HSF5: variants seen among roughly 807,000 people sequenced by gnomAD.
HSF5 encodes the protein heat shock transcription factor 5.
A neutral mutation model predicts 50.8 loss-of-function variants in HSF5; 5 were observed. That is an observed-to-expected ratio of 0.10 (90% CI 0.05 to 0.21). HSF5 has a LOEUF of 0.21. HSF5 is among the 10% of genes least tolerant of loss of function. The pLI is 1.00. For missense variants in HSF5, 564 were observed against 762.6 expected (o/e 0.74, Z 3.07); for synonymous variants, 307 against 307.4 (o/e 1.00, Z 0.02).
At chr17:58,485,077 C>T (rs950578076) in intron 1 of HSF5, among the ~76,000 whole-genome samples, 1 of 151,514 alleles carries the variant, frequency 6.6e-6, no homozygotes, top group Non-Finnish European at 1.5e-5. Context: ...GCCTCAGCCT[C>T]CCGAGTAGCT....
rs554538200 is a variant in HSF5, at chr17:58,431,285, G to T, written c.1721-8855C>A. On this transcript the variant is annotated intron_variant, in intron 5 of 5. Transcript: ENST00000323777. ...AAATCGGACTAACACACATACCAAG[G>T]CTATATGGTATAGCCTATTTCTCTT... 2.0e-5 allele frequency among the ~76,000 whole-genome samples: 3 copies of T among 152,198 alleles called. No homozygotes were observed. In the East Asian group the frequency reaches 5.8e-4, roughly 29 times the overall value.
intron 2 of HSF5, among the ~76,000 whole-genome samples, chr17:58,477,118 T>TG (rs1975025558): frequency 7.3e-6 from 1 of 136,998 alleles, no homozygotes; most frequent in Admixed American, 7.1e-5. Flanking sequence ...TATATATACT[T>TG]TTTTTTTTTT....
chr17:58,426,985 C>G (rs1974303835), intron 5 of HSF5, among the ~76,000 whole-genome samples: 1 of 152,154 alleles, frequency 6.6e-6, no homozygotes, highest in South Asian at 2.1e-4. Context: ...GGTGCGGTGG[C>G]TCACACCTAG....
intron 5 of HSF5, among the ~76,000 whole-genome samples, chr17:58,428,424 C>A (rs1015513959): frequency 5.3e-5 from 8 of 152,068 alleles, no homozygotes; most frequent in Non-Finnish European, 1.2e-4. Flanking sequence ...CTTTGGGAGG[C>A]CGAGGTGGGC....
intron 5 of HSF5, among the ~76,000 whole-genome samples, chr17:58,427,434 G>T (rs987923355): frequency 6.6e-6 from 1 of 152,102 alleles, no homozygotes; most frequent in African/African-American, 2.4e-5. Flanking sequence ...ATGTGATATT[G>T]AGCAACATAA....
intron 5 of HSF5, among the ~76,000 whole-genome samples, chr17:58,452,558 G>C (rs1426018574): frequency 6.6e-6 from 1 of 151,754 alleles, no homozygotes; most frequent in Non-Finnish European, 1.5e-5. Flanking sequence ...GCCTGTAATC[G>C]CAACACTTTG....
intron 1 of HSF5, among the ~76,000 whole-genome samples, chr17:58,481,732 G>A (rs1274986371): frequency 6.6e-6 from 1 of 152,224 alleles, no homozygotes; most frequent in African/African-American, 2.4e-5. Context: ...AGCCACGGTG[G>A]CTCATGCCTG....
chr17:58,488,042 G>T lies in HSF5; in HGVS notation c.233C>A (p.Thr78Asn). 1 of 1,604,370 alleles carries T rather than the reference G, an allele frequency of 6.2e-7. No individual in the cohort carries two copies. The highest frequency in any genetic ancestry group is 1.1e-5 in the South Asian group (1 of 90,148). Residue 78 changes from threonine (T) to asparagine (N), a missense_variant, in exon 1 of 6, where the codon ACC (threonine) becomes AAC (asparagine). Around this residue, in one of 5 missense-constraint regions of HSF5, gnomAD observed 72 missense variants for 110.9 expected, o/e 0.65. Coordinates refer to ENST00000323777, the MANE Select transcript of HSF5 (RefSeq NM_001080439.3). This position sits in a 1 kb window ranked among gnomAD's most constrained non-coding sequence, Gnocchi z 4.1. ...EPELFKTTSFTSFIRQLNLYG... is the reference protein window; with the variant it reads ...EPELFKTTSFNSFIRQLNLYG... Reference sequence around the variant, plus strand: ...GAGGTTGAGCTGGCGGATGAAGCTGGTGAAGCTGGTGGTTTTGAAGAGCTC... The same window carrying T: ...GAGGTTGAGCTGGCGGATGAAGCTGTTGAAGCTGGTGGTTTTGAAGAGCTC...
intron 3 of HSF5, among the ~76,000 whole-genome samples, chr17:58,465,836 G>C (rs1001052013): frequency 6.6e-6 from 1 of 152,068 alleles, no homozygotes; most frequent in Non-Finnish European, 1.5e-5. Context: ...TTAACTCCAA[G>C]CAAGTGTCTC....
At chr17:58,441,913 T>G (rs1350513472) in intron 5 of HSF5, among the ~76,000 whole-genome samples, 1 of 152,246 alleles carries the variant, frequency 6.6e-6, no homozygotes, top group East Asian at 1.9e-4. Context: ...TTACATATCC[T>G]ATTCTAATAC....
At position 58,488,350 on chromosome 17, in the gene HSF5, C is replaced by T; in HGVS notation, c.-76G>A. Reference sequence around the variant, plus strand: ...TTCTCGATCCCTCCCCGGCCTTCGCCTCGCCCTGCCCGCTCCTGCCGGCGC... The same window carrying T: ...TTCTCGATCCCTCCCCGGCCTTCGCTTCGCCCTGCCCGCTCCTGCCGGCGC... On this transcript the variant is annotated 5_prime_UTR_variant, in exon 1 of 6. Coordinates refer to ENST00000323777, the MANE Select transcript of HSF5 (RefSeq NM_001080439.3). The surrounding 1 kb of genome is among the most constrained non-coding windows in gnomAD (Gnocchi z 4.1). 3.7e-6 allele frequency: 5 copies of T among 1,358,284 alleles called. No individual in the cohort carries two copies. The highest frequency in any genetic ancestry group is 4.7e-6 in the Non-Finnish European group (5 of 1,063,086). The allele number at this position is 1,358,284 out of a possible 1,614,324, so 84.1% of individuals were successfully genotyped here.
chr17:58,439,927 C>T (rs1974477814), intron 5 of HSF5, among the ~76,000 whole-genome samples: 1 of 149,538 alleles, frequency 6.7e-6, no homozygotes, highest in Non-Finnish European at 1.5e-5. Flanking sequence ...CTCAGCATAT[C>T]CAATACTGGA....
intron 3 of HSF5, among the ~76,000 whole-genome samples, chr17:58,465,406 T>C (rs1473497918): frequency 3.3e-5 from 5 of 152,030 alleles, no homozygotes; most frequent in Admixed American, 6.6e-5. Flanking sequence ...AACACTGCCA[T>C]AGTATCTCCA....
chr17:58,425,001 T>C (rs1205492349), intron 5 of HSF5, among the ~76,000 whole-genome samples: 1 of 152,150 alleles, frequency 6.6e-6, no homozygotes, highest in East Asian at 1.9e-4. Context: ...AGTTTCCGTT[T>C]GGGAAGATGA....
intron 5 of HSF5, among the ~76,000 whole-genome samples, chr17:58,424,405 G>T (rs1184139973): frequency 6.6e-6 from 1 of 152,134 alleles, no homozygotes; most frequent in Non-Finnish European, 1.5e-5. Flanking sequence ...AAGGTCAGGA[G>T]ATCAAGACCA....
intron 5 of HSF5, among the ~76,000 whole-genome samples, chr17:58,458,227 A>G (rs1974740086): frequency 6.6e-6 from 1 of 152,214 alleles, no homozygotes; most frequent in Admixed American, 6.5e-5. Context: ...AATCAACTGT[A>G]TGTGCCTAAA....
intron 5 of HSF5, among the ~76,000 whole-genome samples, chr17:58,448,421 T>C (rs960548359): frequency 1.3e-5 from 2 of 151,982 alleles, no homozygotes; most frequent in Admixed American, 6.6e-5. Context: ...TGAGACTACC[T>C]CAAAGCATGC....
intron 5 of HSF5, among the ~76,000 whole-genome samples, chr17:58,456,170 C>T (rs1442438673): frequency 6.2e-5 from 9 of 145,006 alleles, no homozygotes; most frequent in East Asian, 2.0e-4. Flanking sequence ...TGTATATACA[C>T]ACACACACAC....
intron 5 of HSF5, among the ~76,000 whole-genome samples, chr17:58,456,368 T>G (rs892697014): frequency 2.0e-5 from 3 of 152,002 alleles, no homozygotes; most frequent in African/African-American, 7.2e-5. Flanking sequence ...AAAAGTTAAT[T>G]TCATAGAAGA....
Sources: allele counts gnomAD v4.1 joint callset (sites outside exome capture counted in the v4.1 genomes callset), GRCh38; gene constraint gnomAD v4.1.1; regional missense constraint gnomAD v4.1.1; non-coding constraint Gnocchi (gnomAD v3.1); transcripts MANE v1.5; gene names NCBI Gene and HGNC (gene_info 2026-07-23, HGNC 2026-07-21).